Variants in SUPT3H observed in about 807,000 individuals in gnomAD.
SUPT3H encodes the protein transcription initiation protein SPT3 homolog.
SUPT3H carries 44 observed loss-of-function variants against 44.3 expected under a neutral mutation model. The ratio of observed to expected loss-of-function variants is 0.99; its 90% CI spans 0.78 to 1.28. The LOEUF is 1.28. SUPT3H is among the 50% of genes most tolerant of loss of function. The pLI, the probability that SUPT3H is intolerant of heterozygous loss-of-function variation, is 0.00. For synonymous variants in SUPT3H, 124 were observed against 125.6 expected (o/e 0.99, Z 0.09); for missense variants, 380 against 387.1 (o/e 0.98, Z 0.15).
chr6:45,060,413 T>C (rs1031632274), intron 3 of SUPT3H, among the ~76,000 whole-genome samples: 5 of 152,062 alleles, frequency 3.3e-5, no homozygotes, highest in African/African-American at 4.8e-5. Context: ...AAACTGAAAC[T>C]GTACCCTTCC....
At chr6:45,060,014 T>C (rs559066295) in intron 3 of SUPT3H, among the ~76,000 whole-genome samples, 10 of 152,232 alleles carry the variant, frequency 6.6e-5, no homozygotes, top group Admixed American at 5.9e-4. Flanking sequence ...AAAATGGCCA[T>C]AGTACCCAAA....
intron 2 of SUPT3H, among the ~76,000 whole-genome samples, chr6:45,164,389 T>C (rs1034334248): frequency 2.0e-5 from 3 of 152,160 alleles, no homozygotes; most frequent in Non-Finnish European, 4.4e-5. Context: ...TTAGGAGCAA[T>C]AGTTGAGAAT....
intron 7 of SUPT3H, among the ~76,000 whole-genome samples, chr6:44,957,132 A>G (rs1481762185): frequency 2.0e-5 from 3 of 152,156 alleles, no homozygotes; most frequent in Non-Finnish European, 4.4e-5. Flanking sequence ...TTTATAATCC[A>G]CTGATTATTC....
chr6:45,230,370 T>C (rs977751020), intron 2 of SUPT3H, among the ~76,000 whole-genome samples: 53 of 152,090 alleles, frequency 3.5e-4, no homozygotes, highest in African/African-American at 1.2e-3. Context: ...TCTCTTTCTT[T>C]AGATCTAGTA....
chr6:45,203,374 TTCTACC>T, intron 2 of SUPT3H, among the ~76,000 whole-genome samples: 1 of 152,340 alleles, frequency 6.6e-6, no homozygotes, highest in East Asian at 1.9e-4. Context: ...TTCCTGTTAA[TTCTACC>T]TCTTAAGTAT....
intron 2 of SUPT3H, among the ~76,000 whole-genome samples, chr6:45,299,191 C>A (rs1054469155): frequency 1.4e-5 from 2 of 146,116 alleles, no homozygotes; most frequent in Admixed American, 6.8e-5. Context: ...ACTGAAAGTA[C>A]AAAAAAAAAA....
intron 2 of SUPT3H, among the ~76,000 whole-genome samples, chr6:45,122,915 G>C (rs188469393): frequency 7.2e-5 from 11 of 152,182 alleles, no homozygotes; most frequent in African/African-American, 2.6e-4. Context: ...TCTATTTTCA[G>C]CTTCATCATT....
intron 10 of SUPT3H, among the ~76,000 whole-genome samples, chr6:44,920,380 C>A (rs6919161): frequency 6.6e-6 from 1 of 151,564 alleles, no homozygotes; most frequent in East Asian, 1.9e-4. Flanking sequence ...GAGACCAGTC[C>A]GGGCAAGAGA....
intron 1 of SUPT3H, among the ~76,000 whole-genome samples, chr6:45,375,989 A>G (rs1321761186): frequency 2.6e-5 from 4 of 152,208 alleles, no homozygotes; most frequent in African/African-American, 9.6e-5. Context: ...TTATTACACA[A>G]AAGGTTAAAA....
At chr6:44,955,184 A>G (rs1052303198) in intron 7 of SUPT3H, 1 of 154,086 alleles carries the variant, frequency 6.5e-6, no homozygotes, top group African/African-American at 2.4e-5. Context: ...TGCTCCAAGA[A>G]CTACCGTAGG....
intron 2 of SUPT3H, among the ~76,000 whole-genome samples, chr6:45,219,766 C>T (rs1157769403): frequency 2.6e-5 from 4 of 152,080 alleles, no homozygotes; most frequent in African/African-American, 4.8e-5. Flanking sequence ...AATTGCCAGG[C>T]GCAGCAGCTC....
chr6:44,818,298 T>G (rs1935551), intron 11 of SUPT3H, among the ~76,000 whole-genome samples: 62,840 of 151,858 alleles, frequency 0.41, 13,342 homozygotes, highest in East Asian at 0.69. Flanking sequence ...TTATCTTGTA[T>G]TAATACCATA....
intron 2 of SUPT3H, among the ~76,000 whole-genome samples, chr6:45,309,489 T>C (rs867506646): frequency 3.3e-5 from 5 of 150,914 alleles, no homozygotes; most frequent in African/African-American, 9.7e-5. Flanking sequence ...TGAAGAAAGC[T>C]TATAAAATAT....
intron 2 of SUPT3H, among the ~76,000 whole-genome samples, chr6:45,208,684 A>G (rs1024902725): frequency 6.7e-6 from 1 of 150,212 alleles, no homozygotes; most frequent in African/African-American, 2.4e-5. Flanking sequence ...AGATCATACC[A>G]CTGTACTCCA....
chr6:45,123,680 A>G (rs1802003693), intron 2 of SUPT3H, among the ~76,000 whole-genome samples: 2 of 152,208 alleles, frequency 1.3e-5, no homozygotes, highest in African/African-American at 4.8e-5. Flanking sequence ...GGTGTAATCC[A>G]AGGGTCAGCA....
chr6:44,863,166 T>C (rs971697016), intron 10 of SUPT3H, among the ~76,000 whole-genome samples: 4 of 152,232 alleles, frequency 2.6e-5, no homozygotes, highest in African/African-American at 9.6e-5. Flanking sequence ...ATCTACTCTA[T>C]CTTTAATCCA....
chr6:45,283,910 C>T (rs1048165243), intron 2 of SUPT3H, among the ~76,000 whole-genome samples: 1 of 152,102 alleles, frequency 6.6e-6, no homozygotes, highest in African/African-American at 2.4e-5. Context: ...TGAAATCAAA[C>T]TAGAACTCAG....
At chr6:45,363,612 C>T (rs1386157746) in intron 2 of SUPT3H, among the ~76,000 whole-genome samples, 1 of 151,898 alleles carries the variant, frequency 6.6e-6, no homozygotes. Context: ...TATTTTTAAA[C>T]ATAATTAACA....
chr6:45,168,167 T>C (rs1048299015), intron 2 of SUPT3H, among the ~76,000 whole-genome samples: 4 of 152,150 alleles, frequency 2.6e-5, no homozygotes, highest in African/African-American at 9.7e-5. Flanking sequence ...TCAATTATGC[T>C]CTTTTCCTTT....
Sources: allele counts gnomAD v4.1 joint callset (sites outside exome capture counted in the v4.1 genomes callset), GRCh38; gene constraint gnomAD v4.1.1; transcripts MANE v1.5; gene names NCBI Gene and HGNC (gene_info 2026-07-23, HGNC 2026-07-21).